XPR1: variants seen among roughly 807,000 people sequenced by gnomAD.
The protein encoded by XPR1 is xenotropic and polytropic retrovirus receptor 1.
XPR1 carries 28 observed loss-of-function variants against 87.5 expected under a neutral mutation model. That is an observed-to-expected ratio of 0.32 (90% CI 0.24 to 0.44). The LOEUF is 0.44. XPR1 is among the 20% of genes least tolerant of loss of function. The pLI is 1.00. For synonymous variants in XPR1, 300 were observed against 306.1 expected (o/e 0.98, Z 0.21); for missense variants, 559 against 862.3 (o/e 0.65, Z 4.41).
intron 9 of XPR1, among the ~76,000 whole-genome samples, chr1:180,832,798 TGCCTCCA>T: frequency 6.6e-6 from 1 of 152,370 alleles, no homozygotes; most frequent in South Asian, 2.1e-4. Context: ...GGTAGCATGA[TGCCTCCA>T]GCTTTGTTCT....
intron 2 of XPR1, among the ~76,000 whole-genome samples, chr1:180,684,951 T>C (rs1656713987): frequency 6.6e-6 from 1 of 152,178 alleles, no homozygotes; most frequent in Non-Finnish European, 1.5e-5. Flanking sequence ...TTTGACTTCC[T>C]CTTTTCCTAA....
intron 12 of XPR1, among the ~76,000 whole-genome samples, chr1:180,867,208 A>G (rs1039493406): frequency 1.6e-5 from 1 of 63,720 alleles, no homozygotes; most frequent in Admixed American, 1.8e-4. Flanking sequence ...AATCCAGTCT[A>G]TCATTGTTGG....
chr1:180,710,900 G>A (rs1030581284), intron 2 of XPR1, among the ~76,000 whole-genome samples: 13 of 151,836 alleles, frequency 8.6e-5, no homozygotes, highest in African/African-American at 1.5e-4. Context: ...CAGACGGGGC[G>A]GCTGCCGGGC....
intron 2 of XPR1, among the ~76,000 whole-genome samples, chr1:180,744,322 CT>C (rs1317223220): frequency 2.0e-5 from 3 of 152,036 alleles, no homozygotes; most frequent in Admixed American, 1.3e-4. Flanking sequence ...TTATTTAGAA[CT>C]TTTTTTAATT....
intron 2 of XPR1, among the ~76,000 whole-genome samples, chr1:180,783,618 T>C (rs1344224701): frequency 6.6e-6 from 1 of 152,080 alleles, no homozygotes; most frequent in Non-Finnish European, 1.5e-5. Flanking sequence ...TGTTATTTAT[T>C]TTTTCCTCAA....
At chr1:180,763,977 C>T (rs780568313) in intron 2 of XPR1, among the ~76,000 whole-genome samples, 10 of 152,196 alleles carry the variant, frequency 6.6e-5, no homozygotes, top group Non-Finnish European at 1.2e-4. Context: ...TCTGGTGATG[C>T]TACTGTGTTT....
chr1:180,879,478 C>T lies in XPR1; in HGVS notation c.1809-598C>T, dbSNP rs558505432. Among the ~76,000 whole-genome samples the T allele has an allele frequency of 5.0e-4, 76 of 152,318 alleles. 1 individual carries two copies. In the South Asian group the frequency reaches 0.015, roughly 29 times the overall value. On this transcript the variant is annotated intron_variant, in intron 13 of 14. Coordinates refer to ENST00000367590, the MANE Select transcript of XPR1 (RefSeq NM_004736.4). Reference sequence around the variant, plus strand: ...TTTTAACCTCACTTATTCTTAGCCCCCACTGACCTTGCTGTTGTTTCCAAC... The same window carrying T: ...TTTTAACCTCACTTATTCTTAGCCCTCACTGACCTTGCTGTTGTTTCCAAC...
intron 1 of XPR1, among the ~76,000 whole-genome samples, chr1:180,651,832 A>G (rs985590773): frequency 1.2e-4 from 18 of 152,224 alleles, no homozygotes; most frequent in African/African-American, 4.1e-4. Context: ...TTGCATTTTG[A>G]TATTTTATGA....
intron 3 of XPR1, among the ~76,000 whole-genome samples, chr1:180,794,044 G>A (rs1422306750): frequency 2.0e-5 from 3 of 152,064 alleles, no homozygotes; most frequent in Non-Finnish European, 4.4e-5. Context: ...CAATAAATTG[G>A]TCAGAAAATG....
chr1:180,804,500 C>G (rs1649919455), intron 4 of XPR1, among the ~76,000 whole-genome samples: 1 of 152,052 alleles, frequency 6.6e-6, no homozygotes, highest in Non-Finnish European at 1.5e-5. Flanking sequence ...ACCTTATGCA[C>G]TATTTTTTTT....
intron 1 of XPR1, among the ~76,000 whole-genome samples, chr1:180,637,351 C>T (rs565145475): frequency 1.2e-4 from 19 of 152,180 alleles, no homozygotes; most frequent in African/African-American, 4.6e-4. Context: ...AGGAAATAGA[C>T]ATGTCTTAAA....
chr1:180,799,146 CA>C (rs930379228), intron 3 of XPR1, among the ~76,000 whole-genome samples: 1 of 152,154 alleles, frequency 6.6e-6, no homozygotes, highest in Non-Finnish European at 1.5e-5. Context: ...TCTTCCAATT[CA>C]GTAGAACCAT....
At chr1:180,639,544 T>G (rs1322881355) in intron 1 of XPR1, among the ~76,000 whole-genome samples, 2 of 152,212 alleles carry the variant, frequency 1.3e-5, no homozygotes, top group Non-Finnish European at 2.9e-5. Context: ...AGTGAACAAG[T>G]GATTTTTTTC....
intron 2 of XPR1, among the ~76,000 whole-genome samples, chr1:180,711,299 G>A (rs1356198039): frequency 6.6e-5 from 10 of 152,174 alleles, no homozygotes; most frequent in Admixed American, 2.6e-4. Flanking sequence ...CCGAGATCAC[G>A]CCACTGCACT....
At chr1:180,872,649 G>A (rs1368877009) in intron 12 of XPR1, among the ~76,000 whole-genome samples, 2 of 132,150 alleles carry the variant, frequency 1.5e-5, no homozygotes, top group African/African-American at 5.8e-5. Flanking sequence ...CTTCCCAGGT[G>A]AGGCAATGCC....
chr1:180,765,576 C>T (rs1440869608), intron 2 of XPR1, among the ~76,000 whole-genome samples: 1 of 152,086 alleles, frequency 6.6e-6, no homozygotes, highest in Non-Finnish European at 1.5e-5. Context: ...TCTGTGGGTG[C>T]CCATGTTCCT....
At chr1:180,814,530 A>G (rs1471955510) in intron 7 of XPR1, among the ~76,000 whole-genome samples, 1 of 152,132 alleles carries the variant, frequency 6.6e-6, no homozygotes, top group Non-Finnish European at 1.5e-5. Flanking sequence ...CAGTTTCCTC[A>G]TCTGTTAAAT....
At chr1:180,857,000 CA>C (rs572164565) in intron 11 of XPR1, among the ~76,000 whole-genome samples, 3 of 151,952 alleles carry the variant, frequency 2.0e-5, no homozygotes, top group Non-Finnish European at 4.4e-5. Flanking sequence ...TAGTTTGAAA[CA>C]AAAAACTGTG....
intron 11 of XPR1, among the ~76,000 whole-genome samples, chr1:180,838,754 A>G (rs1651398500): frequency 6.6e-6 from 1 of 152,164 alleles, no homozygotes; most frequent in Non-Finnish European, 1.5e-5. Context: ...GAAAATTTCC[A>G]TCTCTTTGCT....
Sources: allele counts gnomAD v4.1 joint callset (sites outside exome capture counted in the v4.1 genomes callset), GRCh38; gene constraint gnomAD v4.1.1; transcripts MANE v1.5; gene names NCBI Gene and HGNC (gene_info 2026-07-23, HGNC 2026-07-21).